Variants in KCNH1 observed in about 807,000 individuals in gnomAD.
KCNH1 encodes the protein potassium voltage-gated channel subfamily H member 1, also known as voltage-gated delayed rectifier potassium channel KCNH1.
Under a neutral mutation model 69.2 loss-of-function variants are expected in KCNH1, and 27 were observed. That is an observed-to-expected ratio of 0.39 (90% CI 0.29 to 0.54). The LOEUF (loss-of-function observed/expected upper bound fraction) is 0.54. Among genes scored for constraint, KCNH1 ranks in the 20% least tolerant of loss-of-function variants. The probability of loss-of-function intolerance (pLI) is 0.68; values close to 1 mark genes in which losing one functional copy is unlikely to be tolerated. For missense variants in KCNH1, 798 were observed against 1,261.6 expected (o/e 0.63, Z 5.57); for synonymous variants, 456 against 487.7 (o/e 0.93, Z 0.86).
intron 6 of KCNH1, among the ~76,000 whole-genome samples, chr1:210,995,826 T>C (rs780346333): frequency 2.0e-5 from 3 of 152,214 alleles, no homozygotes; most frequent in Non-Finnish European, 2.9e-5. Flanking sequence ...TTGTGTATAA[T>C]GGACCATGGA....
chr1:210,999,965 C>A (rs1020117979), intron 6 of KCNH1, among the ~76,000 whole-genome samples: 8 of 152,256 alleles, frequency 5.3e-5, no homozygotes, highest in African/African-American at 1.2e-4. Context: ...AATTCAACAA[C>A]CCTTCATGTT....
chr1:210,995,314 T>C (rs147018406), intron 6 of KCNH1, among the ~76,000 whole-genome samples: 1 of 152,336 alleles, frequency 6.6e-6, no homozygotes. Context: ...AGCCATTCTG[T>C]GACTGCATGA....
At chr1:210,815,321 T>C (rs1274458783) in intron 7 of KCNH1, among the ~76,000 whole-genome samples, 1 of 152,122 alleles carries the variant, frequency 6.6e-6, no homozygotes, top group Non-Finnish European at 1.5e-5. Flanking sequence ...AAAAAGATAC[T>C]GGGCCATATT....
intron 7 of KCNH1, among the ~76,000 whole-genome samples, chr1:210,882,284 A>G (rs1294836183): frequency 2.0e-5 from 3 of 152,190 alleles, no homozygotes; most frequent in Admixed American, 6.5e-5. Flanking sequence ...TCATGGGTAC[A>G]GACACCAAGC....
chr1:211,039,072 G>T (rs1334605602), intron 5 of KCNH1, among the ~76,000 whole-genome samples: 1 of 152,192 alleles, frequency 6.6e-6, no homozygotes, highest in Admixed American at 6.5e-5. Context: ...GGTTTCATGG[G>T]CTGGGCCCAG....
intron 7 of KCNH1, among the ~76,000 whole-genome samples, chr1:210,832,921 T>TATATATATATAC (rs10693882): frequency 0.029 from 4,135 of 144,200 alleles, 113 homozygotes; most frequent in South Asian, 0.069. Context: ...TATATATATA[T>TATATATATATAC]ACATATAAAT....
rs887673590 is a variant in KCNH1 at position 210,919,288 on chromosome 1, A to G, written c.1462+352T>C. The G allele has an allele frequency of 2.2e-5, 4 of 185,116 alleles. No homozygotes were observed. Among genetic ancestry groups the G allele is most frequent in the African/African-American group, 2.3e-5 (1 of 42,754 alleles). 11.5% of individuals were successfully genotyped at this position (185,116 alleles called of 1,614,324 possible). The stretch of plus-strand genomic sequence containing the variant: ...TTCACTGTTCTATGAGTAGTTTACT[A>G]AAGTGCGTATGCAGCAAGATCTCAT... On this transcript the variant is annotated intron_variant, in intron 7 of 10. Transcript: ENST00000271751. The surrounding 1 kb of genome is among the most constrained non-coding windows in gnomAD (Gnocchi z 4.2).
chr1:210,972,556 A>C (rs2102368369), intron 6 of KCNH1, among the ~76,000 whole-genome samples: 1 of 152,286 alleles, frequency 6.6e-6, no homozygotes, highest in Admixed American at 6.5e-5. Context: ...TTGGCAAGCC[A>C]GTTCGTTTTC....
At chr1:211,106,298 A>C (rs1691345258) in intron 2 of KCNH1, among the ~76,000 whole-genome samples, 1 of 152,228 alleles carries the variant, frequency 6.6e-6, no homozygotes, top group African/African-American at 2.4e-5. Flanking sequence ...TGTCTGGCTC[A>C]ACACCTGGAA....
chr1:211,088,315 T>A (rs1490449357), intron 4 of KCNH1, among the ~76,000 whole-genome samples: 1 of 152,188 alleles, frequency 6.6e-6, no homozygotes, highest in Non-Finnish European at 1.5e-5. Context: ...AAAACCCAGC[T>A]GGTCTCCTGG....
chr1:210,694,948 G>A (rs1248572299), intron 10 of KCNH1, among the ~76,000 whole-genome samples: 1 of 152,204 alleles, frequency 6.6e-6, no homozygotes, highest in Non-Finnish European at 1.5e-5. Flanking sequence ...AGCTGATCTG[G>A]GAAACAGCTG....
At chr1:210,997,325 A>C (rs1412042753) in intron 6 of KCNH1, among the ~76,000 whole-genome samples, 1 of 152,234 alleles carries the variant, frequency 6.6e-6, no homozygotes, top group Non-Finnish European at 1.5e-5. Flanking sequence ...AAAGGAGCTG[A>C]TGCAGCTGAA....
At chr1:210,896,202 T>A (rs1414196959) in intron 7 of KCNH1, among the ~76,000 whole-genome samples, 1 of 152,178 alleles carries the variant, frequency 6.6e-6, no homozygotes, top group Non-Finnish European at 1.5e-5. Context: ...CAAGTATGAG[T>A]TGGTTTTCCT....
chr1:210,897,152 A>G (rs1350991892), intron 7 of KCNH1, among the ~76,000 whole-genome samples: 1 of 152,210 alleles, frequency 6.6e-6, no homozygotes, highest in African/African-American at 2.4e-5. Context: ...GGGCAACATA[A>G]CCACAGTGAT....
At chr1:211,061,754 C>A (rs1360225978) in intron 5 of KCNH1, among the ~76,000 whole-genome samples, 1 of 151,996 alleles carries the variant, frequency 6.6e-6, no homozygotes, top group Non-Finnish European at 1.5e-5. Context: ...ATTAATTTAT[C>A]CAAACAAGTG....
intron 7 of KCNH1, chr1:210,860,193 A>T: frequency 7.9e-7 from 1 of 1,262,516 alleles, no homozygotes; most frequent in Non-Finnish European, 1.2e-6. Context: ...CATAATTATA[A>T]AGGAGGGGCA....
chr1:210,943,505 C>T (rs1266209437), intron 6 of KCNH1, among the ~76,000 whole-genome samples: 10 of 151,998 alleles, frequency 6.6e-5, no homozygotes, highest in South Asian at 2.1e-4. Context: ...CACACCGCCA[C>T]GCCCGGCTAA....
At chr1:210,917,707 CCTCT>C (rs1687377274) in intron 7 of KCNH1, among the ~76,000 whole-genome samples, 1 of 152,110 alleles carries the variant, frequency 6.6e-6, no homozygotes, top group African/African-American at 2.4e-5. Flanking sequence ...TCTCCCCCTC[CCTCT>C]AAGAGAAGGA....
At chr1:210,947,303 C>T (rs977342888) in intron 6 of KCNH1, among the ~76,000 whole-genome samples, 14 of 152,148 alleles carry the variant, frequency 9.2e-5, no homozygotes, top group Non-Finnish European at 2.9e-5. Context: ...GGCGCGGTGG[C>T]TCATGCCTGT....
Sources: allele counts gnomAD v4.1 joint callset (sites outside exome capture counted in the v4.1 genomes callset), GRCh38; gene constraint gnomAD v4.1.1; non-coding constraint Gnocchi (gnomAD v3.1); transcripts MANE v1.5; gene names NCBI Gene and HGNC (gene_info 2026-07-23, HGNC 2026-07-21).